The following PEBP4 variants were observed in gnomAD, a reference collection of about 807,000 sequenced individuals.
PEBP4 encodes the protein phosphatidylethanolamine binding protein 4, also known as phosphatidylethanolamine-binding protein 4.
Under a neutral mutation model 23.9 loss-of-function variants are expected in PEBP4, and 22 were observed. That is an observed-to-expected ratio of 0.92 (90% CI 0.66 to 1.31). PEBP4 has a LOEUF of 1.31. Among genes scored for constraint, PEBP4 ranks in the 40% most tolerant of loss-of-function variants. PEBP4 has a pLI of 0.00. For synonymous variants in PEBP4, 112 were observed against 99.3 expected, an observed-to-expected ratio of 1.13 and a Z score of -0.76; for missense variants, 324 against 281.7, an observed-to-expected ratio of 1.15 and a Z score of -1.07.
At chr8:22,925,170 A>G (rs1809298672) in intron 2 of PEBP4, 1 of 985,440 alleles carries the variant, frequency 1.0e-6, no homozygotes. Flanking sequence ...CTTCAGTGAC[A>G]ATAAAGACAA....
intron 3 of PEBP4, among the ~76,000 whole-genome samples, chr8:22,829,665 G>T (rs1003478527): frequency 3.3e-5 from 5 of 152,048 alleles, no homozygotes; most frequent in Admixed American, 6.6e-5. Flanking sequence ...CCCATCATCA[G>T]CAATACCTTC....
chr8:22,737,293 T>G (rs1265936406), intron 4 of PEBP4, among the ~76,000 whole-genome samples: 1 of 62,802 alleles, frequency 1.6e-5, no homozygotes, highest in African/African-American at 8.4e-5. Flanking sequence ...AGACTCCGTC[T>G]CAAAAAAAAA....
At chr8:22,793,433 ATT>A (rs11315221) in intron 4 of PEBP4, among the ~76,000 whole-genome samples, 4,576 of 120,390 alleles carry the variant, frequency 0.038, 141 homozygotes, top group African/African-American at 0.1. Flanking sequence ...CGCCCAGCTC[ATT>A]TTTTTTTTTT....
In PEBP4 at chr8:22,775,226, C is replaced by T. The variant is rs1805791815; in HGVS notation, c.357+42411G>A. On this transcript the variant is annotated intron_variant, in intron 4 of 6. Transcript: ENST00000256404. The surrounding 1 kb of genome is among the most constrained non-coding windows in gnomAD (Gnocchi z 4.8). ...CTCCATATCAACTGGCCCCTTCTAC[C>T]CGAGAAAGCTGCCTCTCTCAGCAGC... Among the ~76,000 whole-genome samples, 1 of 152,218 alleles carries T rather than the reference C, an allele frequency of 6.6e-6. No individual in the cohort carries two copies. Among genetic ancestry groups the T allele is most frequent in the Admixed American group, 6.5e-5 (1 of 15,290 alleles).
intron 4 of PEBP4, among the ~76,000 whole-genome samples, chr8:22,734,763 T>C (rs1277833958): frequency 6.6e-6 from 1 of 151,964 alleles, no homozygotes; most frequent in Non-Finnish European, 1.5e-5. Flanking sequence ...CTCCAGTGGA[T>C]AAGACAAGGG....
Position 22,920,136 on chromosome 8 carries a change from C to CA in PEBP4, c.258+47dup, listed in dbSNP as rs747234310. Reference sequence around the variant, plus strand: ...CAGATGAGCAAGCCTGGAGGAACATCAAGACCCCCAACTGTCCCCCCGCTT... The same window carrying CA: ...CAGATGAGCAAGCCTGGAGGAACATCAAAGACCCCCAACTGTCCCCCCGCTT... On this transcript the variant is annotated intron_variant, in intron 3 of 6. Transcript: ENST00000256404. 3.2e-6 allele frequency: 5 copies of CA among 1,583,668 alleles called. No individual in the cohort carries two copies. In the East Asian group the frequency reaches 1.1e-4, roughly 36 times the overall value.
chr8:22,859,894 G>A (rs1333458867), intron 3 of PEBP4, among the ~76,000 whole-genome samples: 10 of 151,754 alleles, frequency 6.6e-5, no homozygotes, highest in South Asian at 2.1e-4. Context: ...TGAGGCAGGA[G>A]GATCACTTGA....
chr8:22,925,151 A>G (rs1809297893), intron 2 of PEBP4: 5 of 985,350 alleles, frequency 5.1e-6, no homozygotes, highest in Non-Finnish European at 6.0e-6. Flanking sequence ...CTCTCTTCCA[A>G]ACAAAAATCT....
chr8:22,793,800 A>G (rs10110875), intron 4 of PEBP4, among the ~76,000 whole-genome samples: 163 of 152,260 alleles, frequency 1.1e-3, no homozygotes, highest in African/African-American at 3.6e-3. Flanking sequence ...AATTTAGTGT[A>G]CATTTCTAGA....
chr8:22,795,153 ATATATATATATTTTTTTTTTTTTT>A (rs1441003223), intron 4 of PEBP4, among the ~76,000 whole-genome samples: 7 of 32,512 alleles, frequency 2.2e-4, no homozygotes, highest in Non-Finnish European at 3.4e-4. Flanking sequence ...GTATATATAT[ATATATATATATTTTTTTTTTTTTT>A]TTTTTTTTTT....
rs917133315 is a variant in PEBP4, at chr8:22,775,963, C to G, written c.357+41674G>C. Among the ~76,000 whole-genome samples the G allele has an allele frequency of 6.6e-6, 1 of 152,050 alleles. No individual in the cohort carries two copies. Among genetic ancestry groups the G allele is most frequent in the Non-Finnish European group, 1.5e-5 (1 of 67,986 alleles). On this transcript the variant is annotated intron_variant, in intron 4 of 6. Coordinates refer to ENST00000256404, the MANE Select transcript of PEBP4 (RefSeq NM_144962.3). This position sits in a 1 kb window ranked among gnomAD's most constrained non-coding sequence, Gnocchi z 4.8. ...GGGTGGTCTGGGCTCACCCCTGGAACAATGGGGGTTGCAGATGCACACAGA... is the reference window on the plus strand; with the variant it reads ...GGGTGGTCTGGGCTCACCCCTGGAAGAATGGGGGTTGCAGATGCACACAGA...
At position 22,817,631 on chromosome 8, in the gene PEBP4, GCTTAC is replaced by G; in HGVS notation, c.357+1_357+5del. 1.2e-6 allele frequency: 2 copies of G among 1,612,880 alleles called. No homozygotes were observed. The highest frequency in any genetic ancestry group is 1.7e-6 in the Non-Finnish European group (2 of 1,178,936). On this transcript the variant is annotated splice_donor_variant and splice_donor_5th_base_variant and intron_variant, in intron 4 of 6. Coordinates refer to ENST00000256404, the MANE Select transcript of PEBP4 (RefSeq NM_144962.3). LOFTEE classifies it high-confidence loss of function. ...TGCGTCAGAGAGTGCCTCTTGGCCT[GCTTAC>G]CTTGATATCTGTTACCAGCCAATGT...
At chr8:22,918,349 A>G (rs1451814687) in intron 3 of PEBP4, among the ~76,000 whole-genome samples, 2 of 152,144 alleles carry the variant, frequency 1.3e-5, no homozygotes, top group Non-Finnish European at 2.9e-5. Context: ...TGTGTTCCTC[A>G]TAAATCTCTA....
intron 3 of PEBP4, among the ~76,000 whole-genome samples, chr8:22,850,847 G>A (rs1463530480): frequency 6.6e-6 from 1 of 152,204 alleles, no homozygotes; most frequent in African/African-American, 2.4e-5. Context: ...GCCTCTCATT[G>A]CAATGTGATC....
intron 4 of PEBP4, among the ~76,000 whole-genome samples, chr8:22,784,578 C>G (rs867080178): frequency 2.0e-5 from 3 of 152,206 alleles, no homozygotes; most frequent in South Asian, 2.1e-4. Flanking sequence ...TTGGGTGCTG[C>G]GAGCCGGGAG....
intron 1 of PEBP4, among the ~76,000 whole-genome samples, chr8:22,940,383 G>A (rs1265431391): frequency 1.3e-5 from 2 of 152,110 alleles, no homozygotes; most frequent in African/African-American, 4.8e-5. Context: ...CTCATAGATA[G>A]GCACCTAGAA....
intron 3 of PEBP4, among the ~76,000 whole-genome samples, chr8:22,840,993 A>G (rs754070902): frequency 1.7e-4 from 26 of 152,272 alleles, no homozygotes; most frequent in Admixed American, 3.3e-4. Flanking sequence ...AATCAGCAAT[A>G]AAAGATTCTC....
intron 4 of PEBP4, among the ~76,000 whole-genome samples, chr8:22,799,878 C>T (rs1806346413): frequency 6.6e-6 from 1 of 152,204 alleles, no homozygotes; most frequent in Non-Finnish European, 1.5e-5. Context: ...GATTATAAAT[C>T]ATGCTGCTAT....
chr8:22,728,652 C>T (rs79132848), intron 4 of PEBP4, among the ~76,000 whole-genome samples: 4,034 of 149,526 alleles, frequency 0.027, 96 homozygotes, highest in African/African-American at 0.059. Context: ...GGCTGGAGTG[C>T]AGTGGTACGA....
Sources: allele counts gnomAD v4.1 joint callset (sites outside exome capture counted in the v4.1 genomes callset), GRCh38; gene constraint gnomAD v4.1.1; non-coding constraint Gnocchi (gnomAD v3.1); transcripts MANE v1.5; gene names NCBI Gene and HGNC (gene_info 2026-07-23, HGNC 2026-07-21).